The following LANCL1 variants were observed in gnomAD, a reference collection of about 807,000 sequenced individuals.
LANCL1 encodes the protein glutathione S-transferase LANCL1.
A neutral mutation model predicts 50.6 loss-of-function variants in LANCL1; 50 were observed. The observed-to-expected ratio is 0.99, with a 90% CI of 0.79 to 1.25. LANCL1 has a LOEUF of 1.25. LANCL1 is among the 50% of genes most tolerant of loss of function. The pLI, the probability that LANCL1 is intolerant of heterozygous loss-of-function variation, is 0.00. For missense variants in LANCL1, 532 were observed against 480.7 expected (o/e 1.11, Z -1.00); for synonymous variants, 188 against 178.6 (o/e 1.05, Z -0.42).
intron 3 of LANCL1, among the ~76,000 whole-genome samples, chr2:210,464,986 A>ACAAAAAAAC (rs1246985321): frequency 1.0e-5 from 1 of 99,136 alleles, no homozygotes; most frequent in African/African-American, 3.4e-5. Flanking sequence ...AAAAAAAAAA[A>ACAAAAAAAC]AAAAACTTAT....
chr2:210,449,721 CAT>C (rs1693453372), intron 4 of LANCL1, among the ~76,000 whole-genome samples: 1 of 152,186 alleles, frequency 6.6e-6, no homozygotes, highest in Admixed American at 6.5e-5. Flanking sequence ...AGAGCCAAAT[CAT>C]GGGTGAACTC....
chr2:210,459,118 T>G (rs1342957297), intron 3 of LANCL1, among the ~76,000 whole-genome samples: 1 of 152,110 alleles, frequency 6.6e-6, no homozygotes, highest in East Asian at 1.9e-4. Context: ...GAGATTTAAA[T>G]TTTGATTGAA....
At chr2:210,434,636 A>G (rs953857070) in intron 9 of LANCL1, 73 bp from the exon 10 acceptor site, 19 of 1,230,590 alleles carry the variant, frequency 1.5e-5, no homozygotes, top group Non-Finnish European at 2.0e-5. Flanking sequence ...TTTTTCCCCC[A>G]TATCTTTATT....
chr2:210,466,099 G>C (rs1207402227), intron 3 of LANCL1, among the ~76,000 whole-genome samples: 1 of 152,126 alleles, frequency 6.6e-6, no homozygotes, highest in Non-Finnish European at 1.5e-5. Context: ...TAATCGTTTG[G>C]TTCCACCAAT....
chr2:210,436,051 G>T (rs1388289271), intron 8 of LANCL1, among the ~76,000 whole-genome samples, 165 bp downstream of exon 8: 1 of 151,812 alleles, frequency 6.6e-6, no homozygotes, highest in Admixed American at 6.6e-5. Context: ...ATAGGCGCCT[G>T]CCACCACACC....
intron 2 of LANCL1, among the ~76,000 whole-genome samples, chr2:210,473,090 T>C (rs530525559): frequency 2.0e-5 from 3 of 152,130 alleles, no homozygotes; most frequent in Non-Finnish European, 4.4e-5. Flanking sequence ...AAAAAGTCAC[T>C]GAAGGCCGGG....
rs1693099508 is a variant in LANCL1, at chr2:210,440,650, T to C, written c.638A>G (p.Tyr213Cys). ...CAGGCCATGAGCAGCCCCTACATAATATTCCTGGTACCATTCATACATCAG... is the reference window on the plus strand; with the variant it reads ...CAGGCCATGAGCAGCCCCTACATAACATTCCTGGTACCATTCATACATCAG... ...SPLMYEWYQE[Y>C]YVGAAHGLAG... The change falls in exon 6 of 10, where the codon TAT becomes TGT. Residue 213 changes from tyrosine (Y) to cysteine (C), a missense_variant. By Grantham distance (194) the Tyr-to-Cys change is radical. Transcript: ENST00000450366. The C allele has an allele frequency of 6.2e-7, 1 of 1,613,948 alleles. No homozygotes were observed. The highest frequency in any genetic ancestry group is 8.5e-7 in the Non-Finnish European group (1 of 1,179,882).
chr2:210,455,948 G>A lies in LANCL1; in HGVS notation c.200-634C>T, dbSNP rs117545613. 4.8e-4 allele frequency among the ~76,000 whole-genome samples: 73 copies of A among 151,450 alleles called. No homozygotes were observed. In the East Asian group the frequency reaches 0.012, roughly 24 times the overall value. The stretch of plus-strand genomic sequence containing the variant: ...AACCCCTAGATTTTTTTCTGTCGAG[G>A]GCCCACCTACTTTGGTAAATGTAAT... On this transcript the variant is annotated intron_variant, in intron 3 of 9. Transcript: ENST00000450366.
rs553320476 is a variant in LANCL1 at position 210,440,607 on chromosome 2, G to T, written c.681C>A (p.Tyr227Ter). 1 of 1,612,688 alleles carries T rather than the reference G, an allele frequency of 6.2e-7. No individual in the cohort carries two copies. Among genetic ancestry groups the T allele is most frequent in the South Asian group, 1.1e-5 (1 of 90,660 alleles). Reference protein sequence around the residue: ...AAHGLAGIYYYLMQPSLQVSQ... With the variant: ...AAHGLAGIYY Reference sequence around the variant, plus strand: ...CATAATCACTCCTTACCTGCATCAGGTAGTAATAAATTCCAGCCAGGCCAT... The same window carrying T: ...CATAATCACTCCTTACCTGCATCAGTTAGTAATAAATTCCAGCCAGGCCAT... The change falls in exon 6 of 10, where the codon TAC (tyrosine) becomes TAA (stop). Residue 227 changes from tyrosine (Y) to a stop codon, truncating the protein, a stop_gained. Coordinates refer to ENST00000450366, the MANE Select transcript of LANCL1 (RefSeq NM_006055.3). LOFTEE classifies it high-confidence loss of function.
At position 210,436,226 on chromosome 2, in the gene LANCL1, C is replaced by T; in HGVS notation, c.1040G>A (p.Arg347Lys). 1 of 1,613,756 alleles carries T rather than the reference C, an allele frequency of 6.2e-7. No individual in the cohort carries two copies. The highest frequency in any genetic ancestry group is 8.5e-7 in the Non-Finnish European group (1 of 1,179,800). ...GGTTCTGACTCCTACCTTACAGGCC[C>T]TATACAGGTACTTCATGTCCTGTGT... ...NLTQDMKYLY[R>K]ACKFAEWCLE... The change falls in exon 8 of 10, where the codon AGG (arginine) becomes AAG (lysine). Residue 347 changes from arginine (R) to lysine (K), a missense_variant. By Grantham distance (26) the Arg-to-Lys change is conservative (BLOSUM62 2). Transcript: ENST00000450366.
chr2:210,444,998 A>T (rs1465288578), intron 4 of LANCL1, among the ~76,000 whole-genome samples: 1 of 152,168 alleles, frequency 6.6e-6, no homozygotes, highest in Non-Finnish European at 1.5e-5. Context: ...AGAAAACAAA[A>T]TGTGTTTATT....
At chr2:210,473,614 C>A (rs958138296) in intron 2 of LANCL1, among the ~76,000 whole-genome samples, 1 of 152,118 alleles carries the variant, frequency 6.6e-6, no homozygotes, top group Non-Finnish European at 1.5e-5. Context: ...AAAATCTTAA[C>A]ACTGAAAACA....
intron 3 of LANCL1, among the ~76,000 whole-genome samples, chr2:210,466,370 C>A (rs1694058522): frequency 6.6e-6 from 1 of 152,074 alleles, no homozygotes; most frequent in Admixed American, 6.6e-5. Flanking sequence ...AAAAGTGACT[C>A]CATCTTGTAG....
Position 210,434,004 on chromosome 2 carries a change from C to T in LANCL1, c.*483G>A, listed in dbSNP as rs976802312. On this transcript the variant is annotated 3_prime_UTR_variant, in exon 10 of 10. Coordinates refer to ENST00000450366, the MANE Select transcript of LANCL1 (RefSeq NM_006055.3). ...GAAGCATTTAGTTATATTTCTGTCC[C>T]CTTTCAAAATGAACCACCTAGAGAA... 6.6e-6 allele frequency: 1 copy of T among 152,072 alleles called. No homozygotes were observed. The allele number at this position is 152,072 out of a possible 1,614,324, so 9.4% of individuals were successfully genotyped here.
chr2:210,476,243 C>A, intron 2 of LANCL1, 73 bp downstream of exon 2: 1 of 1,044,384 alleles, frequency 9.6e-7, no homozygotes, highest in Non-Finnish European at 1.5e-6. Flanking sequence ...TCAACTCTCT[C>A]AGGCAAAAAT....
At chr2:210,436,582 CTG>C (rs908991704) in intron 7 of LANCL1, among the ~76,000 whole-genome samples, 190 bp from the exon 8 acceptor site, 6 of 152,148 alleles carry the variant, frequency 3.9e-5, no homozygotes, top group Admixed American at 1.3e-4. Context: ...TTAAAAAAAA[CTG>C]TGCATGACTT....
At chr2:210,450,876 TTGG>T (rs1435791358) in intron 4 of LANCL1, among the ~76,000 whole-genome samples, 1 of 152,190 alleles carries the variant, frequency 6.6e-6, no homozygotes, top group Non-Finnish European at 1.5e-5. Context: ...TTTTACACTG[TTGG>T]TGGGAGTGTA....
At position 210,434,504 on chromosome 2, in the gene LANCL1, G is replaced by A; in HGVS notation, c.1183C>T (p.Pro395Ser). The change falls in exon 10 of 10, where the codon CCT (proline) becomes TCT (serine). Residue 395 changes from proline to serine, a missense_variant. Coordinates refer to ENST00000450366, the MANE Select transcript of LANCL1 (RefSeq NM_006055.3). ...DLLVPTKARF[P>S]AFEL Reference sequence around the variant, plus strand: ...CTATCCTTTCAGAGTTCAAATGCAGGGAACCTGGCTTTTGTGGGGACTAGC... The same window carrying A: ...CTATCCTTTCAGAGTTCAAATGCAGAGAACCTGGCTTTTGTGGGGACTAGC... 1 of 1,613,138 alleles carries A rather than the reference G, an allele frequency of 6.2e-7. No individual in the cohort carries two copies. Among genetic ancestry groups the A allele is most frequent in the Non-Finnish European group, 8.5e-7 (1 of 1,179,500 alleles).
chr2:210,444,178 A>T (rs377415183), intron 4 of LANCL1, among the ~76,000 whole-genome samples: 20 of 152,270 alleles, frequency 1.3e-4, no homozygotes, highest in African/African-American at 4.8e-4. Context: ...GTCTCTGGAG[A>T]CCACCAATAT....
Sources: allele counts gnomAD v4.1 joint callset (sites outside exome capture counted in the v4.1 genomes callset), GRCh38; gene constraint gnomAD v4.1.1; transcripts MANE v1.5; gene names NCBI Gene and HGNC (gene_info 2026-07-23, HGNC 2026-07-21).